The following NAALADL2 variants were observed in gnomAD, a reference collection of about 807,000 sequenced individuals.
The protein encoded by NAALADL2 is N-acetylated alpha-linked acidic dipeptidase like 2, also known as inactive N-acetylated-alpha-linked acidic dipeptidase-like protein 2.
A neutral mutation model predicts 87.2 loss-of-function variants in NAALADL2; 76 were observed. The observed-to-expected ratio is 0.87, with a 90% CI of 0.72 to 1.05. The LOEUF (loss-of-function observed/expected upper bound fraction) is 1.05. NAALADL2 is among the 50% of genes least tolerant of loss of function. The pLI is 0.00. For synonymous variants in NAALADL2, 354 were observed against 331.0 expected, an observed-to-expected ratio of 1.07 and a Z score of -0.75; for missense variants, 1,089 against 945.8, an observed-to-expected ratio of 1.15 and a Z score of -1.99.
intron 1 of NAALADL2, among the ~76,000 whole-genome samples, chr3:174,893,513 C>T (rs1443990177): frequency 2.0e-5 from 3 of 152,012 alleles, no homozygotes; most frequent in Admixed American, 1.3e-4. Flanking sequence ...ATAGTCAGTA[C>T]AATAAGATGC....
intron 2 of NAALADL2, among the ~76,000 whole-genome samples, chr3:175,218,665 A>G (rs1742898850): frequency 6.6e-6 from 1 of 152,146 alleles, no homozygotes; most frequent in Non-Finnish European, 1.5e-5. Context: ...TGGAATCATT[A>G]AATATGTGCT....
intron 1 of NAALADL2, among the ~76,000 whole-genome samples, chr3:174,478,977 G>T (rs1226518731): frequency 1.3e-5 from 2 of 152,178 alleles, no homozygotes; most frequent in African/African-American, 4.8e-5. Flanking sequence ...CCAAAGTGTT[G>T]GGATCACAGG....
At position 175,806,933 on chromosome 3, in the gene NAALADL2, G is replaced by A. The variant is rs1484334883; in HGVS notation, c.*3730G>A. ...TAACATATTTCTCCAAAACTGATCA[G>A]ACTGTGGAGTCTGTCACTTTTTTGG... On this transcript the variant is annotated 3_prime_UTR_variant, in exon 14 of 14. Coordinates refer to ENST00000454872, the MANE Select transcript of NAALADL2 (RefSeq NM_207015.3). 1 of 151,646 alleles carries A rather than the reference G, an allele frequency of 6.6e-6. No homozygotes were observed. The highest frequency in any genetic ancestry group is 1.5e-5 in the Non-Finnish European group (1 of 67,846). The allele number at this position is 151,646 out of a possible 1,614,324, so 9.4% of individuals were successfully genotyped here.
chr3:175,342,872 T>C (rs1222919971), intron 5 of NAALADL2, among the ~76,000 whole-genome samples: 2 of 152,116 alleles, frequency 1.3e-5, no homozygotes, highest in Admixed American at 6.6e-5. Context: ...CTGTGACTTA[T>C]ACTTTAATCC....
At chr3:174,614,216 CCT>C (rs1334609531) in intron 2 of NAALADL2, among the ~76,000 whole-genome samples, 8 of 152,132 alleles carry the variant, frequency 5.3e-5, no homozygotes, top group African/African-American at 1.9e-4. Flanking sequence ...TTCCCCTCCC[CCT>C]GTTTACTGGC....
intron 10 of NAALADL2, among the ~76,000 whole-genome samples, chr3:175,622,520 C>T (rs527939523): frequency 5.3e-5 from 8 of 152,076 alleles, no homozygotes; most frequent in Admixed American, 2.6e-4. Context: ...CTGGCTTTAT[C>T]TGAGTACTTG....
chr3:174,958,570 G>C (rs1263525431), intron 1 of NAALADL2, among the ~76,000 whole-genome samples: 1 of 152,026 alleles, frequency 6.6e-6, no homozygotes, highest in African/African-American at 2.4e-5. Context: ...TACACGTGCA[G>C]TTCAAATCTC....
chr3:175,256,629 A>C, intron 4 of NAALADL2, 99 bp downstream of exon 4: 1 of 1,134,866 alleles, frequency 8.8e-7, no homozygotes, highest in Non-Finnish European at 1.2e-6. Flanking sequence ...GTGTGCATAT[A>C]GGTGTGTGAG....
intron 9 of NAALADL2, among the ~76,000 whole-genome samples, chr3:175,544,354 C>A (rs1490289771): frequency 6.6e-6 from 1 of 152,104 alleles, no homozygotes; most frequent in Non-Finnish European, 1.5e-5. Context: ...TACAGCTTTA[C>A]CTTCCTGCAA....
intron 2 of NAALADL2, among the ~76,000 whole-genome samples, chr3:175,178,216 G>T (rs919260685): frequency 3.9e-5 from 6 of 151,900 alleles, no homozygotes; most frequent in African/African-American, 1.2e-4. Flanking sequence ...CAAGGTAAGT[G>T]CTTTGTTGGT....
chr3:175,424,696 A>G (rs916948915), intron 5 of NAALADL2, among the ~76,000 whole-genome samples: 6 of 152,060 alleles, frequency 3.9e-5, no homozygotes, highest in African/African-American at 1.4e-4. Context: ...GCCTTGTAGG[A>G]TGGTTTGAAG....
At chr3:175,427,006 T>C (rs1478198305) in intron 5 of NAALADL2, among the ~76,000 whole-genome samples, 1 of 152,220 alleles carries the variant, frequency 6.6e-6, no homozygotes, top group South Asian at 2.1e-4. Context: ...TAGGTAATCA[T>C]TTTTGAAAGA....
intron 1 of NAALADL2, among the ~76,000 whole-genome samples, chr3:174,525,739 A>G (rs1337224459): frequency 1.3e-5 from 2 of 152,232 alleles, no homozygotes; most frequent in Non-Finnish European, 2.9e-5. Flanking sequence ...ATGGATTTTC[A>G]ACTTTATTCA....
intron 2 of NAALADL2, among the ~76,000 whole-genome samples, chr3:174,674,098 CAGGG>C (rs1461208499): frequency 6.6e-6 from 1 of 151,870 alleles, no homozygotes; most frequent in Non-Finnish European, 1.5e-5. Context: ...GGGGAGGTCT[CAGGG>C]AGCTTTAACT....
chr3:175,760,750 T>C (rs1288205809), intron 13 of NAALADL2, among the ~76,000 whole-genome samples: 1 of 152,196 alleles, frequency 6.6e-6, no homozygotes, highest in Non-Finnish European at 1.5e-5. Flanking sequence ...TGGGCATCTG[T>C]GTTTTGCCAT....
chr3:175,772,888 T>C (rs1749699325), intron 13 of NAALADL2, among the ~76,000 whole-genome samples: 1 of 152,158 alleles, frequency 6.6e-6, no homozygotes, highest in Admixed American at 6.6e-5. Context: ...TTTTAGTGTT[T>C]CTCCGTGCCT....
intron 1 of NAALADL2, among the ~76,000 whole-genome samples, chr3:174,877,434 A>C (rs1379625735): frequency 1.3e-5 from 2 of 152,096 alleles, no homozygotes; most frequent in African/African-American, 2.4e-5. Flanking sequence ...TTCAATCTCC[A>C]TTCCATTCTC....
At chr3:175,708,502 T>C (rs1384490322) in intron 11 of NAALADL2, among the ~76,000 whole-genome samples, 1 of 151,954 alleles carries the variant, frequency 6.6e-6, no homozygotes, top group Non-Finnish European at 1.5e-5. Context: ...CATCCATTTT[T>C]CTGGGAATAT....
intron 1 of NAALADL2, among the ~76,000 whole-genome samples, chr3:174,538,171 C>T (rs957177854): frequency 1.8e-4 from 28 of 152,234 alleles, no homozygotes; most frequent in African/African-American, 6.5e-4. Context: ...AAATTCCTTT[C>T]CACATCTCCT....
Sources: gnomAD v4.1 joint callset for allele counts (sites outside exome capture counted in the v4.1 genomes callset) on GRCh38, gnomAD v4.1.1 for gene constraint, MANE v1.5 for transcripts, NCBI Gene and HGNC (gene_info 2026-07-23, HGNC 2026-07-21) for gene names.